The following NKAIN3 variants were observed in gnomAD, a reference collection of about 807,000 sequenced individuals.
NKAIN3 encodes sodium/potassium-transporting ATPase subunit beta-1-interacting protein 3.
NKAIN3 carries 25 observed loss-of-function variants against 30.2 expected under a neutral mutation model. The observed-to-expected ratio is 0.83, with a 90% CI of 0.60 to 1.16. NKAIN3 has a LOEUF of 1.16. Ranked by LOEUF, NKAIN3 falls within the 50% of genes most tolerant of loss-of-function variation. The probability of loss-of-function intolerance (pLI) is 0.00; values close to 1 mark genes in which losing one functional copy is unlikely to be tolerated. For synonymous variants in NKAIN3, 91 were observed against 89.6 expected (o/e 1.02, Z -0.09); for missense variants, 225 against 254.1 (o/e 0.89, Z 0.78).
chr8:62,662,912 A>G (rs529507130), intron 3 of NKAIN3, among the ~76,000 whole-genome samples: 21 of 152,354 alleles, frequency 1.4e-4, no homozygotes, highest in African/African-American at 4.8e-4. Flanking sequence ...TTCAACTCCT[A>G]TGAAGATGTA....
downstream of NKAIN3, among the ~76,000 whole-genome samples, chr8:62,988,894 C>T (rs530084322): frequency 5.9e-5 from 9 of 152,336 alleles, no homozygotes; most frequent in South Asian, 1.4e-3. Flanking sequence ...GGCTCTGCTT[C>T]CTCCTGAATG....
intron 4 of NKAIN3, among the ~76,000 whole-genome samples, chr8:62,879,200 C>T (rs891586508): frequency 4.6e-5 from 7 of 152,136 alleles, no homozygotes; most frequent in African/African-American, 1.7e-4. Context: ...TAATGATCGC[C>T]ATTCTAACTG....
intron 4 of NKAIN3, among the ~76,000 whole-genome samples, chr8:62,763,830 T>G (rs1435450009): frequency 6.6e-6 from 1 of 152,238 alleles, no homozygotes; most frequent in Admixed American, 6.5e-5. Context: ...TCTGGCCGAT[T>G]TCAGTCAGGC....
intron 4 of NKAIN3, among the ~76,000 whole-genome samples, chr8:62,781,186 C>CA (rs917574814): frequency 2.0e-5 from 3 of 150,614 alleles, no homozygotes; most frequent in African/African-American, 7.3e-5. Flanking sequence ...AAAATAGCTG[C>CA]AAAAAATAAA....
intron 5 of NKAIN3, among the ~76,000 whole-genome samples, chr8:62,929,210 G>T (rs1822541707): frequency 1.3e-5 from 2 of 152,180 alleles, no homozygotes; most frequent in African/African-American, 4.8e-5. Flanking sequence ...GATGATCTGG[G>T]CTTCCCTGAC....
At chr8:62,260,154 A>G (rs1458417977) in intron 1 of NKAIN3, among the ~76,000 whole-genome samples, 7 of 152,106 alleles carry the variant, frequency 4.6e-5, no homozygotes, top group Non-Finnish European at 5.9e-5. Flanking sequence ...TATATTTCTG[A>G]AAGTTTCTAT....
chr8:62,814,446 C>A (rs1238944775), intron 4 of NKAIN3, among the ~76,000 whole-genome samples: 1 of 151,804 alleles, frequency 6.6e-6, no homozygotes. Context: ...CAGCACCATG[C>A]CACACCTATT....
At chr8:62,719,298 A>C (rs556746189) in intron 3 of NKAIN3, among the ~76,000 whole-genome samples, 1 of 152,328 alleles carries the variant, frequency 6.6e-6, no homozygotes, top group South Asian at 2.1e-4. Flanking sequence ...TCATCTCATA[A>C]GTCCAAAAAG....
At position 62,766,838 on chromosome 8, in the gene NKAIN3, C is replaced by T. The variant is rs138586184; in HGVS notation, c.471+19709C>T. Among the ~76,000 whole-genome samples the T allele has an allele frequency of 2.7e-3, 414 of 152,270 alleles. 3 individuals are homozygous for T. The highest frequency in any genetic ancestry group is 9.6e-3 in the African/African-American group (399 of 41,548). Reference sequence around the variant, plus strand: ...TTGAGGGCTTTCTAAGAACATTAAACCTATGACATTCCAGGATGCCCTGGT... The same window carrying T: ...TTGAGGGCTTTCTAAGAACATTAAATCTATGACATTCCAGGATGCCCTGGT... On this transcript the variant is annotated intron_variant, in intron 4 of 6. Transcript: ENST00000623646.
At chr8:62,766,148 A>G (rs1355030791) in intron 4 of NKAIN3, among the ~76,000 whole-genome samples, 1 of 152,176 alleles carries the variant, frequency 6.6e-6, no homozygotes, top group Non-Finnish European at 1.5e-5. Flanking sequence ...GCTGATGATT[A>G]TTGGTTATTA....
chr8:62,672,684 C>A (rs1813343516), intron 3 of NKAIN3, among the ~76,000 whole-genome samples: 1 of 152,162 alleles, frequency 6.6e-6, no homozygotes, highest in Non-Finnish European at 1.5e-5. Context: ...ATTGTCTCCC[C>A]CATTCCTAGG....
Position 62,982,401 on chromosome 8 carries a change from C to A in NKAIN3, c.*16994C>A, listed in dbSNP as rs1039315133. 1 of 152,158 alleles carries A rather than the reference C, an allele frequency of 6.6e-6. No individual in the cohort carries two copies. Among genetic ancestry groups the A allele is most frequent in the Admixed American group, 6.5e-5 (1 of 15,282 alleles). 9.4% of individuals were successfully genotyped at this position (152,158 alleles called of 1,614,324 possible). On this transcript the variant is annotated 3_prime_UTR_variant, in exon 7 of 7. Coordinates refer to ENST00000623646, the MANE Select transcript of NKAIN3 (RefSeq NM_001304533.3). The stretch of plus-strand genomic sequence containing the variant: ...GTGGCGTTTCTGTTTCTTCCATAAC[C>A]TCACAACGATATGTGGTGGCCCCGC...
chr8:62,383,782 T>C (rs1447807118), intron 1 of NKAIN3, among the ~76,000 whole-genome samples: 3 of 152,106 alleles, frequency 2.0e-5, no homozygotes, highest in Non-Finnish European at 2.9e-5. Context: ...TGCACCTACA[T>C]AAAAGCTAAG....
chr8:62,731,430 T>C (rs965303022), intron 3 of NKAIN3, among the ~76,000 whole-genome samples: 2 of 152,192 alleles, frequency 1.3e-5, no homozygotes, highest in Admixed American at 1.3e-4. Flanking sequence ...TGATTACTTA[T>C]TGTTTTAACC....
In NKAIN3 at chr8:62,977,247, G is replaced by A. The variant is rs747740169; in HGVS notation, c.*11840G>A. ...TCTGTATTTCCTAAGCCTGCCTTGC[G>A]AGGTTGGGGAAGTTCTCCTGGATTA... On this transcript the variant is annotated 3_prime_UTR_variant, in exon 7 of 7. Coordinates refer to ENST00000623646, the MANE Select transcript of NKAIN3 (RefSeq NM_001304533.3). Among the ~76,000 whole-genome samples the A allele has an allele frequency of 3.3e-5, 5 of 152,032 alleles. No individual in the cohort carries two copies. The highest frequency in any genetic ancestry group is 4.8e-5 in the African/African-American group (2 of 41,412).
chr8:62,464,041 G>A (rs1418736174), intron 1 of NKAIN3, among the ~76,000 whole-genome samples: 3 of 152,130 alleles, frequency 2.0e-5, no homozygotes, highest in Non-Finnish European at 2.9e-5. Context: ...GGGAAACCTA[G>A]TGAAATCCAC....
chr8:62,400,167 T>TTC (rs1554526527), intron 1 of NKAIN3, among the ~76,000 whole-genome samples: 31 of 146,482 alleles, frequency 2.1e-4, no homozygotes, highest in African/African-American at 7.8e-4. Context: ...TATTTTCTTT[T>TTC]TTTTTTTTTT....
intron 4 of NKAIN3, among the ~76,000 whole-genome samples, chr8:62,883,398 T>C (rs1178845292): frequency 6.6e-6 from 1 of 151,392 alleles, no homozygotes; most frequent in African/African-American, 2.4e-5. Context: ...GACTTTTGTA[T>C]GTTAACTGCT....
At chr8:62,779,830 A>G (rs1346008284) in intron 4 of NKAIN3, among the ~76,000 whole-genome samples, 1 of 152,144 alleles carries the variant, frequency 6.6e-6, no homozygotes, top group African/African-American at 2.4e-5. Context: ...TTATAGTAAT[A>G]AACAACTACA....
Sources: gnomAD v4.1 joint callset for allele counts (sites outside exome capture counted in the v4.1 genomes callset) on GRCh38, gnomAD v4.1.1 for gene constraint, MANE v1.5 for transcripts, NCBI Gene and HGNC (gene_info 2026-07-23, HGNC 2026-07-21) for gene names.